TACC2: variants seen among roughly 807,000 people sequenced by gnomAD.
TACC2 encodes transforming acidic coiled-coil-containing protein 2.
TACC2 carries 137 observed loss-of-function variants against 227.3 expected under a neutral mutation model. That is an observed-to-expected ratio of 0.60 (90% CI 0.52 to 0.69). The LOEUF is 0.69. Ranked by LOEUF, TACC2 falls within the 30% of genes least tolerant of loss-of-function variation. The pLI, the probability that TACC2 is intolerant of heterozygous loss-of-function variation, is 0.00. For missense variants in TACC2, 3,470 were observed against 3,694.4 expected, an observed-to-expected ratio of 0.94 and a Z score of 1.57; for synonymous variants, 1,523 against 1,487.5, an observed-to-expected ratio of 1.02 and a Z score of -0.55.
chr10:122,199,290 T>C (rs10887101), intron 8 of TACC2, among the ~76,000 whole-genome samples: 99,737 of 152,222 alleles, frequency 0.66, 33,834 homozygotes, highest in East Asian at 0.85. Context: ...CGTTGTGCTC[T>C]AAGTGGCTGT....
At chr10:122,128,437 A>G (rs531075245) in intron 5 of TACC2, among the ~76,000 whole-genome samples, 36 of 152,362 alleles carry the variant, frequency 2.4e-4, no homozygotes, top group African/African-American at 8.4e-4. Flanking sequence ...TGAAAATGCC[A>G]TCACGTAGAA....
chr10:122,068,984 C>T (rs2077710703), intron 3 of TACC2, among the ~76,000 whole-genome samples: 1 of 151,902 alleles, frequency 6.6e-6, no homozygotes, highest in Non-Finnish European at 1.5e-5. Flanking sequence ...AGGCGTGAGG[C>T]ACCGCGCGGG....
chr10:122,011,457 G>A (rs973953364), intron 1 of TACC2, among the ~76,000 whole-genome samples: 1 of 152,150 alleles, frequency 6.6e-6, no homozygotes, highest in Non-Finnish European at 1.5e-5. Flanking sequence ...AGCCTCCCGA[G>A]TAGCTGGGAC....
chr10:122,215,782 T>C (rs2095392263), intron 10 of TACC2, among the ~76,000 whole-genome samples: 2 of 152,148 alleles, frequency 1.3e-5, no homozygotes, highest in African/African-American at 2.4e-5. Flanking sequence ...TGAACAAATA[T>C]GCAGTGAGAA....
At chr10:122,183,197 T>A (rs1295748208) in intron 7 of TACC2, among the ~76,000 whole-genome samples, 3 of 148,566 alleles carry the variant, frequency 2.0e-5, no homozygotes, top group Admixed American at 2.0e-4. Context: ...AGAGTGAGAC[T>A]CTGTCTCAAA....
intron 2 of TACC2, among the ~76,000 whole-genome samples, chr10:122,036,359 A>AT (rs554048044): frequency 2.3e-4 from 35 of 151,058 alleles, no homozygotes; most frequent in Middle Eastern, 3.5e-3. Flanking sequence ...CGCCCGGCTA[A>AT]TTTTTTGTAT....
intron 2 of TACC2, among the ~76,000 whole-genome samples, chr10:122,035,335 G>C (rs1959931633): frequency 6.6e-6 from 1 of 152,190 alleles, no homozygotes. Context: ...GACAAACAAG[G>C]GCCCTGCTGT....
At chr10:122,129,615 T>C (rs1445869786) in intron 5 of TACC2, among the ~76,000 whole-genome samples, 1 of 152,226 alleles carries the variant, frequency 6.6e-6, no homozygotes. Flanking sequence ...GCTCTGTTTT[T>C]CCACTCAGAT....
rs377142183 is a variant in TACC2, at chr10:122,254,066, G to A, written c.*10G>A. Reference sequence around the variant, plus strand: ...AATGGGGAAAAGCTAACTCTGAACCGAATGTTTTGGACTTAACTGTTGCGT... The same window carrying A: ...AATGGGGAAAAGCTAACTCTGAACCAAATGTTTTGGACTTAACTGTTGCGT... On this transcript the variant is annotated 3_prime_UTR_variant, in exon 23 of 23. Coordinates refer to ENST00000369005, the MANE Select transcript of TACC2 (RefSeq NM_206862.4). The A allele has an allele frequency of 1.4e-5, 23 of 1,613,068 alleles. No homozygotes were observed. Among genetic ancestry groups the A allele is most frequent in the South Asian group, 3.3e-5 (3 of 91,080 alleles).
At chr10:122,148,449 T>TA (rs2091665006) in intron 7 of TACC2, among the ~76,000 whole-genome samples, 1 of 152,256 alleles carries the variant, frequency 6.6e-6, no homozygotes, top group South Asian at 2.1e-4. Context: ...ATTTTGGAAA[T>TA]ACGTCTTCCA....
rs1564914901 is a variant in TACC2, at chr10:122,253,991, A to G, written c.8782A>G (p.Asn2928Asp). ...DALERTLEQK[N>D]KEIEELTKIC... ...ACTTCTTCCTTGTCTTCACTTGCAG[A>G]ATAAAGAAATAGAAGAACTCACCAA... Residue 2928 changes from asparagine to aspartate, a missense_variant and splice_region_variant, in exon 23 of 23, where the codon AAT (asparagine) becomes GAT (aspartate). Physicochemically the swap from Asn to Asp is conservative, Grantham distance 23 (BLOSUM62 1). Coordinates refer to ENST00000369005, the MANE Select transcript of TACC2 (RefSeq NM_206862.4). 1 of 1,614,016 alleles carries G rather than the reference A, an allele frequency of 6.2e-7. No individual in the cohort carries two copies. Among genetic ancestry groups the G allele is most frequent in the Middle Eastern group, 1.6e-4 (1 of 6,062 alleles).
chr10:122,080,524 C>T (rs1008379030), intron 3 of TACC2, among the ~76,000 whole-genome samples: 1 of 152,042 alleles, frequency 6.6e-6, no homozygotes, highest in Admixed American at 6.6e-5. Flanking sequence ...GTGAGCCATG[C>T]ACCCGGCCTC....
rs1565671292 is a variant in TACC2, at chr10:122,219,030, A to AAAG, written c.7546+2204_7546+2205insGAA. Among the ~76,000 whole-genome samples the AAAG allele has an allele frequency of 7.0e-5, 10 of 143,836 alleles. 1 individual carries two copies. The highest frequency in any genetic ancestry group is 4.4e-4 in the South Asian group (2 of 4,568). The allele number at this position is 143,836 out of a possible 152,430, so 94.4% of individuals were successfully genotyped here. On this transcript the variant is annotated intron_variant, in intron 11 of 22. Transcript: ENST00000369005. Reference sequence around the variant, plus strand: ...GTGAGACTCGTCTCAAAAAAAAAAAAAAAAAGAAAAGTGACCATCTTGCTC... The same window carrying AAAG: ...GTGAGACTCGTCTCAAAAAAAAAAAAAAGAAAAAGAAAAGTGACCATCTTGCTC...
At chr10:122,206,599 A>G (rs1332324825) in intron 8 of TACC2, among the ~76,000 whole-genome samples, 1 of 152,226 alleles carries the variant, frequency 6.6e-6, no homozygotes, top group Non-Finnish European at 1.5e-5. Context: ...ACTGTGAGAA[A>G]TAAATTTCTG....
chr10:122,139,562 G>A (rs1380949495), intron 6 of TACC2, among the ~76,000 whole-genome samples: 3 of 152,212 alleles, frequency 2.0e-5, no homozygotes, highest in Non-Finnish European at 4.4e-5. Flanking sequence ...TGGCTGTCCA[G>A]CATTTGTATC....
intron 5 of TACC2, chr10:122,126,852 A>G (rs1171657421): frequency 6.6e-6 from 1 of 152,274 alleles, no homozygotes; most frequent in South Asian, 2.1e-4. Flanking sequence ...ATCACCTGCT[A>G]TGCTCTGAAT....
Position 122,141,084 on chromosome 10 carries a change from A to T in TACC2, c.5700-2488A>T, listed in dbSNP as rs1472670046. Among the ~76,000 whole-genome samples, 3 of 152,076 alleles carry T rather than the reference A, an allele frequency of 2.0e-5. No homozygotes were observed. The highest frequency in any genetic ancestry group is 7.2e-5 in the African/African-American group (3 of 41,416). ...GGAGGTGACTCAGCAGGAAGGGGTG[A>T]TGAGGGGCATGGGAATGAGAGAACT... On this transcript the variant is annotated intron_variant, in intron 6 of 22. Coordinates refer to ENST00000369005, the MANE Select transcript of TACC2 (RefSeq NM_206862.4). This position sits in a 1 kb window ranked among gnomAD's most constrained non-coding sequence, Gnocchi z 4.3.
At position 122,085,575 on chromosome 10, in the gene TACC2, C is replaced by T. The variant is rs751345990; in HGVS notation, c.3075C>T (p.Ser1025=). Residue 1025 remains serine, a synonymous_variant, in exon 4 of 23, where the codon TCC becomes TCT. Coordinates refer to ENST00000369005, the MANE Select transcript of TACC2 (RefSeq NM_206862.4). Reference sequence around the variant, plus strand: ...CTTCTGAAGCAGCTGATGGTTGTTCCCCACTCTGGGGCTTGAGTAAGAGGG... The same window carrying T: ...CTTCTGAAGCAGCTGATGGTTGTTCTCCACTCTGGGGCTTGAGTAAGAGGG... ...PGASEAADGC[S]PLWGLSKREM... The T allele has an allele frequency of 9.3e-6, 15 of 1,613,312 alleles. No homozygotes were observed. The East Asian group carries it at 3.1e-4, about 34-fold the overall frequency.
chr10:122,212,831 G>A (rs1056884751), intron 9 of TACC2, among the ~76,000 whole-genome samples: 3 of 152,312 alleles, frequency 2.0e-5, no homozygotes, highest in Admixed American at 2.0e-4. Flanking sequence ...TTTTAGATCA[G>A]TTACTCAACT....
Sources: gnomAD v4.1 joint callset for allele counts (sites outside exome capture counted in the v4.1 genomes callset) on GRCh38, gnomAD v4.1.1 for gene constraint, Gnocchi (gnomAD v3.1) non-coding constraint, MANE v1.5 for transcripts, NCBI Gene and HGNC (gene_info 2026-07-23, HGNC 2026-07-21) for gene names.